The following SIGLECL1 variants were observed in gnomAD, a reference collection of about 807,000 sequenced individuals.
SIGLECL1 encodes SIGLEC family like 1.
In SIGLECL1, 16 loss-of-function variants were observed where a neutral mutation model predicts 19.1. The observed-to-expected ratio is 0.84, with a 90% confidence interval of 0.57 to 1.27. The LOEUF (loss-of-function observed/expected upper bound fraction) is 1.27. SIGLECL1 is among the 50% of genes most tolerant of loss of function. The pLI, the probability that SIGLECL1 is intolerant of heterozygous loss-of-function variation, is 0.00. For synonymous variants in SIGLECL1, 89 were observed against 90.4 expected, an observed-to-expected ratio of 0.98 and a Z score of 0.09; for missense variants, 210 against 239.4, an observed-to-expected ratio of 0.88 and a Z score of 0.81.
chr19:51,254,556 C>T (rs947091424), intron 1 of SIGLECL1, among the ~76,000 whole-genome samples: 1 of 152,084 alleles, frequency 6.6e-6, no homozygotes, highest in Non-Finnish European at 1.5e-5. Context: ...TATATCATTT[C>T]ATTTATATAC....
chr19:51,251,380 G>A lies in SIGLECL1; in HGVS notation c.-356G>A, dbSNP rs1206914838. 6.5e-6 allele frequency: 1 copy of A among 152,712 alleles called. No individual in the cohort carries two copies. The highest frequency in any genetic ancestry group is 2.4e-5 in the African/African-American group (1 of 41,464). 9.5% of individuals were successfully genotyped at this position (152,712 alleles called of 1,614,324 possible). ...ACCAGGGCGGCTCTCGTGCCAGTGA[G>A]GCCCCTGAGAGCCCTTTGGTCAGAC... On this transcript the variant is annotated 5_prime_UTR_variant, in exon 1 of 6. Transcript: ENST00000601727.
At chr19:51,264,340 T>C in intron 2 of SIGLECL1, 2 of 464,668 alleles carry the variant, frequency 4.3e-6, no homozygotes, top group Non-Finnish European at 7.8e-6. Context: ...TATGAAGGCA[T>C]GAGAGCACTA....
chr19:51,250,746 C>T (rs1323409113), upstream of SIGLECL1, among the ~76,000 whole-genome samples: 1 of 152,208 alleles, frequency 6.6e-6, no homozygotes, highest in Admixed American at 6.5e-5. Flanking sequence ...TACCCTGGCA[C>T]CGCCCCCAGC....
chr19:51,249,886 T>A (rs1038780825), upstream of SIGLECL1, among the ~76,000 whole-genome samples: 5 of 152,062 alleles, frequency 3.3e-5, no homozygotes, highest in African/African-American at 1.2e-4. Flanking sequence ...TGGTTGCCCA[T>A]TTTTATGGTT....
chr19:51,259,107 A>T (rs1327448186), intron 1 of SIGLECL1, among the ~76,000 whole-genome samples: 1 of 145,854 alleles, frequency 6.9e-6, no homozygotes, highest in Non-Finnish European at 1.5e-5. Flanking sequence ...GATAAGAGAT[A>T]TTTCTGGGAC....
intron 1 of SIGLECL1, among the ~76,000 whole-genome samples, chr19:51,252,340 T>C (rs1207928117): frequency 6.7e-6 from 1 of 150,206 alleles, no homozygotes; most frequent in Admixed American, 6.6e-5. Flanking sequence ...ATATAATGGG[T>C]GCATGACGAG....
At chr19:51,257,043 G>A (rs982832714) in intron 1 of SIGLECL1, among the ~76,000 whole-genome samples, 2 of 152,078 alleles carry the variant, frequency 1.3e-5, no homozygotes, top group Admixed American at 6.5e-5. Flanking sequence ...TTTAAAGATT[G>A]TGAAATATTT....
intron 2 of SIGLECL1, among the ~76,000 whole-genome samples, chr19:51,264,991 C>A (rs59782243): frequency 0.024 from 3,718 of 152,208 alleles, 158 homozygotes; most frequent in African/African-American, 0.086. Flanking sequence ...ACTTGCCCAG[C>A]AGCACCCAGA....
upstream of SIGLECL1, among the ~76,000 whole-genome samples, chr19:51,248,175 TTC>T (rs967417687): frequency 1.2e-5 from 1 of 82,816 alleles, no homozygotes; most frequent in African/African-American, 8.9e-5. Flanking sequence ...CCATCTTCCC[TTC>T]TCTGTCACGT....
chr19:51,259,319 T>C (rs1983040449), intron 1 of SIGLECL1, among the ~76,000 whole-genome samples: 1 of 152,214 alleles, frequency 6.6e-6, no homozygotes, highest in African/African-American at 2.4e-5. Context: ...AGATATTGTG[T>C]CCAACTATGG....
rs1983892186 is a variant in SIGLECL1, at chr19:51,269,326, A to T, written c.*729A>T. ...GATGCCTAAAATACAATAAGATCTC[A>T]AGAATGTTTGTCAAATGATTTAATT... On this transcript the variant is annotated 3_prime_UTR_variant, in exon 6 of 6. Transcript: ENST00000601727. 6.6e-6 allele frequency: 1 copy of T among 152,230 alleles called. No homozygotes were observed. The highest frequency in any genetic ancestry group is 1.5e-5 in the Non-Finnish European group (1 of 68,056). The allele number at this position is 152,230 out of a possible 1,614,324, so 9.4% of individuals were successfully genotyped here. A position where few individuals can be genotyped will look rare whatever the true frequency, so the allele number is the denominator to read the frequency against.
chr19:51,259,762 A>T (rs1389734743), intron 1 of SIGLECL1, among the ~76,000 whole-genome samples: 1 of 152,266 alleles, frequency 6.6e-6, no homozygotes, highest in Non-Finnish European at 1.5e-5. Flanking sequence ...ATACAGGAAC[A>T]TGCTACCAGG....
chr19:51,254,610 G>C (rs1982693034), intron 1 of SIGLECL1, among the ~76,000 whole-genome samples: 1 of 152,118 alleles, frequency 6.6e-6, no homozygotes, highest in Admixed American at 6.5e-5. Context: ...AAATAGATTA[G>C]TGGTTGCCTA....
chr19:51,252,223 G>A (rs1040791448), intron 1 of SIGLECL1, among the ~76,000 whole-genome samples: 4 of 151,848 alleles, frequency 2.6e-5, no homozygotes, highest in South Asian at 2.1e-4. Flanking sequence ...CTTGAACCCC[G>A]TAGGCAGAGG....
In SIGLECL1 at chr19:51,267,360, CT is replaced by C; in HGVS notation, c.411-11del. The C allele has an allele frequency of 6.2e-7, 1 of 1,608,672 alleles. No individual in the cohort carries two copies. The highest frequency in any genetic ancestry group is 8.5e-7 in the Non-Finnish European group (1 of 1,179,634). On this transcript the variant is annotated splice_polypyrimidine_tract_variant and intron_variant, in intron 4 of 5. Coordinates refer to ENST00000601727, the MANE Select transcript of SIGLECL1 (RefSeq NM_001385465.1). ...ATGGAGAGCCAGAACCAATCCAAGG[CT>C]TATTTCCTTAGAGTGAAACATATCA...
chr19:51,257,347 A>G (rs1279619425), intron 1 of SIGLECL1, among the ~76,000 whole-genome samples: 1 of 151,806 alleles, frequency 6.6e-6, no homozygotes, highest in African/African-American at 2.4e-5. Context: ...TCAAGCCTGC[A>G]GTGAACTGTG....
upstream of SIGLECL1, among the ~76,000 whole-genome samples, chr19:51,250,811 A>C (rs113991316): frequency 5.6e-4 from 85 of 152,272 alleles, no homozygotes; most frequent in African/African-American, 1.9e-3. Flanking sequence ...TGGAGGAGGG[A>C]GTTGCAGTTG....
chr19:51,247,424 T>TC (rs1293947340), upstream of SIGLECL1, among the ~76,000 whole-genome samples: 1 of 119,350 alleles, frequency 8.4e-6, no homozygotes, highest in Non-Finnish European at 2.0e-5. Flanking sequence ...TTGCCCAATT[T>TC]CTTTTTTTTT....
upstream of SIGLECL1, among the ~76,000 whole-genome samples, chr19:51,250,847 G>A (rs1301383044): frequency 6.6e-6 from 1 of 152,184 alleles, no homozygotes; most frequent in Non-Finnish European, 1.5e-5. Context: ...TCTGGCAGCC[G>A]TGCATCAGCT....
Sources: gnomAD v4.1 joint callset for allele counts (sites outside exome capture counted in the v4.1 genomes callset) on GRCh38, gnomAD v4.1.1 for gene constraint, MANE v1.5 for transcripts, NCBI Gene and HGNC (gene_info 2026-07-23, HGNC 2026-07-21) for gene names.